The following WLS variants were observed in gnomAD, a reference collection of about 807,000 sequenced individuals.
The protein encoded by WLS is Wnt ligand secretion mediator, also known as protein wntless homolog.
Under a neutral mutation model 62.8 loss-of-function variants are expected in WLS, and 23 were observed. The ratio of observed to expected loss-of-function variants is 0.37; its 90% CI spans 0.26 to 0.52. The LOEUF (loss-of-function observed/expected upper bound fraction) is 0.52, where lower values mean the gene tolerates loss of function less well. Ranked by LOEUF, WLS falls within the 20% of genes least tolerant of loss-of-function variation. WLS has a pLI of 0.92. For synonymous variants in WLS, 246 were observed against 244.1 expected (o/e 1.01, Z -0.07); for missense variants, 615 against 697.3 (o/e 0.88, Z 1.33).
chr1:68,229,048 A>G (rs1352263859), intron 1 of WLS, among the ~76,000 whole-genome samples: 1 of 152,084 alleles, frequency 6.6e-6, no homozygotes, highest in Non-Finnish European at 1.5e-5. Context: ...ACAACAGCCT[A>G]AATGTCATGT....
chr1:68,193,141 GAAAT>G (rs1032357728), intron 2 of WLS, among the ~76,000 whole-genome samples: 11 of 151,260 alleles, frequency 7.3e-5, no homozygotes, highest in African/African-American at 2.4e-4. Context: ...AAAAGAAAAA[GAAAT>G]AATGTTTCAA....
intron 11 of WLS, among the ~76,000 whole-genome samples, chr1:68,106,753 T>C (rs1385774873): frequency 7.2e-6 from 1 of 138,660 alleles, no homozygotes; most frequent in African/African-American, 3.3e-5. Flanking sequence ...TGTGTGTGTA[T>C]GTGTGGGTAG....
intron 5 of WLS, 28 bp from the exon 6 acceptor site, chr1:68,150,384 C>A: frequency 1.2e-6 from 2 of 1,608,254 alleles, no homozygotes; most frequent in Non-Finnish European, 1.7e-6. Context: ...TCAGGACAGC[C>A]ACTTTATTCA....
At chr1:68,098,792 CCTTTTAA>C in intron 11 of WLS, 1 of 1,593,824 alleles carries the variant, frequency 6.3e-7, no homozygotes. Flanking sequence ...TGCAAAATAT[CCTTTTAA>C]AAAAATATGT....
At chr1:68,148,239 T>C (rs762860449) in intron 7 of WLS, 40 bp from the exon 8 acceptor site, 5 of 1,605,116 alleles carry the variant, frequency 3.1e-6, no homozygotes, top group South Asian at 2.2e-5. Flanking sequence ...ACACAATTAA[T>C]ACAAAGGCAA....
Position 68,144,652 on chromosome 1 carries a change from C to T in WLS, c.1279G>A (p.Gly427Arg). The T allele has an allele frequency of 6.2e-7, 1 of 1,612,796 alleles. No individual in the cohort carries two copies. Among genetic ancestry groups the T allele is most frequent in the Non-Finnish European group, 8.5e-7 (1 of 1,179,106 alleles). Residue 427 changes from glycine (G) to arginine (R), a missense_variant and splice_region_variant, in exon 10 of 12, where the codon GGG (glycine) becomes AGG (arginine). By Grantham distance (125) the Gly-to-Arg change is moderately radical. Transcript: ENST00000262348. The part of the protein sequence containing the change: ...MSKVRRLHYE[G>R]LIFRFKFLML... ...AGGAACTTGAACCTAAAAATTAGCC[C>T]CTATTAGAAAAGAAAGAGTAGTTTA...
At chr1:68,171,448 A>G (rs747538305) in intron 2 of WLS, among the ~76,000 whole-genome samples, 1 of 152,186 alleles carries the variant, frequency 6.6e-6, no homozygotes, top group Non-Finnish European at 1.5e-5. Flanking sequence ...AGAATCTACA[A>G]GGAATTTAAA....
At chr1:68,099,667 A>C (rs369184937) in intron 11 of WLS, 5 of 152,298 alleles carry the variant, frequency 3.3e-5, no homozygotes, top group African/African-American at 1.2e-4. Context: ...AGGCTATGGA[A>C]ATAGTTGTTA....
chr1:68,194,233 A>C lies in WLS; in HGVS notation c.107-6T>G, dbSNP rs1260360878. ...TGCCGTTGTGGGCCCTGGAGCTGAA[A>C]AGAGAAAGTTTGTCTGTTTTAGAAA... is the stretch of plus-strand genomic sequence containing the variant. On this transcript the variant is annotated splice_polypyrimidine_tract_variant and splice_region_variant and intron_variant, in intron 1 of 11. Coordinates refer to ENST00000262348, the MANE Select transcript of WLS (RefSeq NM_024911.7). 1 of 1,612,830 alleles carries C rather than the reference A, an allele frequency of 6.2e-7. No homozygotes were observed. The highest frequency in any genetic ancestry group is 1.1e-5 in the South Asian group (1 of 90,914).
chr1:68,119,512 G>A (rs749384753), intron 11 of WLS, among the ~76,000 whole-genome samples: 8 of 152,176 alleles, frequency 5.3e-5, no homozygotes, highest in Non-Finnish European at 1.0e-4. Flanking sequence ...AGAGCCTGGC[G>A]GTGGCCCTCT....
intron 11 of WLS, among the ~76,000 whole-genome samples, chr1:68,110,988 A>AT (rs951329908): frequency 6.6e-6 from 1 of 152,252 alleles, no homozygotes; most frequent in African/African-American, 2.4e-5. Context: ...TATTTAAAGA[A>AT]TTTTTTTGAA....
intron 2 of WLS, among the ~76,000 whole-genome samples, chr1:68,184,934 C>G (rs1570971348): frequency 1.1e-5 from 1 of 94,018 alleles, no homozygotes; most frequent in African/African-American, 4.1e-5. Flanking sequence ...AGGGGAAAAA[C>G]AAACAAACAA....
At chr1:68,171,338 G>A (rs1255262480) in intron 2 of WLS, among the ~76,000 whole-genome samples, 1 of 152,134 alleles carries the variant, frequency 6.6e-6, no homozygotes, top group African/African-American at 2.4e-5. Flanking sequence ...AAACTAAACA[G>A]CTTCTGCACA....
At chr1:68,162,470 A>T in intron 2 of WLS, 4 of 1,613,906 alleles carry the variant, frequency 2.5e-6, no homozygotes, top group South Asian at 2.2e-5. Context: ...GGGTCATAAA[A>T]TATGACGCTG....
intron 11 of WLS, among the ~76,000 whole-genome samples, chr1:68,113,965 T>C (rs1312063388): frequency 1.3e-5 from 2 of 152,210 alleles, no homozygotes; most frequent in Non-Finnish European, 2.9e-5. Context: ...AAAAATCCAA[T>C]GCTACTCAAC....
At chr1:68,198,836 G>A (rs922510854) in intron 1 of WLS, among the ~76,000 whole-genome samples, 2 of 152,190 alleles carry the variant, frequency 1.3e-5, no homozygotes, top group African/African-American at 2.4e-5. Flanking sequence ...TCCAGTCATC[G>A]TTACAACATA....
downstream of WLS, among the ~76,000 whole-genome samples, chr1:68,125,137 G>A (rs992070305): frequency 1.2e-4 from 18 of 152,194 alleles, no homozygotes; most frequent in Admixed American, 3.9e-4. Flanking sequence ...TCTAAAGCAC[G>A]TGATGTTCTC....
intron 6 of WLS, 133 bp from the exon 7 acceptor site, chr1:68,148,793 G>C (rs932625044): frequency 4.0e-4 from 295 of 739,012 alleles, no homozygotes; most frequent in Non-Finnish European, 5.4e-4. Flanking sequence ...TTCTAGGTAT[G>C]AGAACAAAGA....
intron 11 of WLS, among the ~76,000 whole-genome samples, chr1:68,107,418 T>C (rs868388244): frequency 6.6e-6 from 1 of 152,186 alleles, no homozygotes; most frequent in African/African-American, 2.4e-5. Context: ...GACAAGAGTT[T>C]AGGTTCTGCA....
Sources: allele counts gnomAD v4.1 joint callset (sites outside exome capture counted in the v4.1 genomes callset), GRCh38; gene constraint gnomAD v4.1.1; transcripts MANE v1.5; gene names NCBI Gene and HGNC (gene_info 2026-07-23, HGNC 2026-07-21).